ALK: variants seen among roughly 807,000 people sequenced by gnomAD.
ALK encodes the protein ALK receptor tyrosine kinase.
ALK carries 74 observed loss-of-function variants against 163.1 expected under a neutral mutation model. That is an observed-to-expected ratio of 0.45 (90% CI 0.38 to 0.55). The LOEUF is 0.55. Among genes scored for constraint, ALK ranks in the 20% least tolerant of loss-of-function variants. ALK has a pLI of 0.00. For synonymous variants in ALK, 960 were observed against 843.2 expected (o/e 1.14, Z -2.40); for missense variants, 2,063 against 2,105.3 (o/e 0.98, Z 0.39).
chr2:29,911,004 A>G (rs139913631), intron 1 of ALK, among the ~76,000 whole-genome samples: 23 of 152,310 alleles, frequency 1.5e-4, no homozygotes, highest in African/African-American at 5.3e-4. Flanking sequence ...AAAACAAAAA[A>G]TGACTACTGG....
At chr2:29,578,350 TA>T (rs1356010727) in intron 3 of ALK, among the ~76,000 whole-genome samples, 1 of 152,210 alleles carries the variant, frequency 6.6e-6, no homozygotes, top group Non-Finnish European at 1.5e-5. Context: ...GGTATGTCTT[TA>T]TCAGCAGCAT....
intron 3 of ALK, among the ~76,000 whole-genome samples, chr2:29,690,998 G>T (rs1017533566): frequency 1.3e-5 from 2 of 152,154 alleles, no homozygotes; most frequent in African/African-American, 4.8e-5. Context: ...ATTAGGATTG[G>T]AATATAGGAC....
Position 29,275,103 on chromosome 2 carries a change from A to G in ALK, c.2037T>C (p.Pro679=). 1 of 1,614,102 alleles carries G rather than the reference A, an allele frequency of 6.2e-7. No individual in the cohort carries two copies. The highest frequency in any genetic ancestry group is 1.7e-5 in the Admixed American group (1 of 60,026). ...ATTTGTGAGCTGAACCCTTACCTGT[A>G]GGGTCAAAGATGGGGGTCTGTCTTG... is the stretch of plus-strand genomic sequence containing the variant. ...NSPRQTPIFD[P]TVHWLFTTCG... Residue 679 remains proline, a synonymous_variant, in exon 11 of 29, where the codon CCT becomes CCC. Transcript: ENST00000389048.
chr2:29,336,452 C>G (rs1255304636), intron 5 of ALK, among the ~76,000 whole-genome samples: 1 of 152,242 alleles, frequency 6.6e-6, no homozygotes, highest in African/African-American at 2.4e-5. Flanking sequence ...TGGAACATCT[C>G]TCCTGAAGCA....
chr2:29,526,785 C>G (rs751623606), intron 4 of ALK, among the ~76,000 whole-genome samples: 1 of 152,242 alleles, frequency 6.6e-6, no homozygotes, highest in African/African-American at 2.4e-5. Context: ...TTGCACTGGG[C>G]TGACTGAAGT....
At chr2:29,864,254 C>T (rs1256967164) in intron 1 of ALK, among the ~76,000 whole-genome samples, 2 of 152,174 alleles carry the variant, frequency 1.3e-5, no homozygotes, top group Non-Finnish European at 2.9e-5. Flanking sequence ...GCAGTCTATT[C>T]CCTGTCTTGA....
intron 3 of ALK, among the ~76,000 whole-genome samples, chr2:29,683,933 A>G: frequency 6.6e-6 from 1 of 152,208 alleles, no homozygotes; most frequent in East Asian, 1.9e-4. Flanking sequence ...AAGTCAGGAA[A>G]GGGAGCCACA....
At chr2:29,342,412 A>G (rs4666205) in intron 5 of ALK, among the ~76,000 whole-genome samples, 54,545 of 152,158 alleles carry the variant, frequency 0.36, 11,799 homozygotes, top group East Asian at 0.76. Context: ...TACAGACAGC[A>G]GGTAGAATGG....
At chr2:29,226,478 CAAAAAA>C (rs3028223) in intron 18 of ALK, among the ~76,000 whole-genome samples, 1,397 of 84,908 alleles carry the variant, frequency 0.016, 13 homozygotes, top group Non-Finnish European at 0.021. Flanking sequence ...AACTCCGCCT[CAAAAAA>C]AAAAAAAAAA....
At chr2:29,705,781 T>G (rs769355736) in intron 2 of ALK, among the ~76,000 whole-genome samples, 15 of 152,228 alleles carry the variant, frequency 9.9e-5, no homozygotes, top group Non-Finnish European at 2.2e-4. Flanking sequence ...GTATGTTGAG[T>G]GCCCTGCATG....
chr2:29,886,336 G>A (rs1666984135), intron 1 of ALK, among the ~76,000 whole-genome samples: 1 of 152,214 alleles, frequency 6.6e-6, no homozygotes, highest in South Asian at 2.1e-4. Context: ...ATTTTTGACT[G>A]TGTAAAGGGT....
rs544084739 is a variant in ALK at position 29,464,564 on chromosome 2, G to T, written c.1154+67351C>A. On this transcript the variant is annotated intron_variant, in intron 4 of 28. Coordinates refer to ENST00000389048, the MANE Select transcript of ALK (RefSeq NM_004304.5). Reference sequence around the variant, plus strand: ...CAAATCAGGGGAAAAATGAAAGACTGAAACAGGCCCAGATGGAAATTTTTG... The same window carrying T: ...CAAATCAGGGGAAAAATGAAAGACTTAAACAGGCCCAGATGGAAATTTTTG... 1.1e-4 allele frequency among the ~76,000 whole-genome samples: 16 copies of T among 151,680 alleles called. No homozygotes were observed. The South Asian group carries it at 3.4e-3, about 32-fold the overall frequency.
intron 4 of ALK, among the ~76,000 whole-genome samples, chr2:29,420,656 C>T (rs1334518734): frequency 6.6e-6 from 1 of 151,442 alleles, no homozygotes; most frequent in Non-Finnish European, 1.5e-5. Flanking sequence ...AAGAGTGGGG[C>T]CCGCGACTCC....
intron 5 of ALK, among the ~76,000 whole-genome samples, chr2:29,351,898 G>A (rs1292966347): frequency 6.6e-6 from 1 of 152,132 alleles, no homozygotes; most frequent in Non-Finnish European, 1.5e-5. Context: ...AAGATCCCAG[G>A]ACTCTCCTGT....
At chr2:29,270,537 G>C (rs371416607) in intron 11 of ALK, among the ~76,000 whole-genome samples, 1 of 152,202 alleles carries the variant, frequency 6.6e-6, no homozygotes, top group East Asian at 1.9e-4. Flanking sequence ...TTCCTTGAGG[G>C]ATGGTTAAAA....
chr2:29,887,713 T>G (rs1462085306), intron 1 of ALK, among the ~76,000 whole-genome samples: 1 of 152,188 alleles, frequency 6.6e-6, no homozygotes, highest in African/African-American at 2.4e-5. Context: ...ATTTTAAAAG[T>G]CACACTGTGG....
At chr2:29,221,539 GTCT>G (rs1302612339) in intron 22 of ALK, among the ~76,000 whole-genome samples, 2 of 152,150 alleles carry the variant, frequency 1.3e-5, no homozygotes, top group Non-Finnish European at 2.9e-5. Context: ...AGTGATATGG[GTCT>G]TCTTCAATAT....
chr2:29,547,448 T>G (rs530669239), intron 3 of ALK, among the ~76,000 whole-genome samples: 3 of 152,166 alleles, frequency 2.0e-5, no homozygotes, highest in African/African-American at 7.2e-5. Flanking sequence ...ATACAAAAGA[T>G]TAGCCGGGCA....
chr2:29,239,550 A>G, intron 13 of ALK, 130 bp downstream of exon 13: 1 of 1,188,742 alleles, frequency 8.4e-7, no homozygotes, highest in Non-Finnish European at 1.2e-6. Context: ...GCTGCTGTTT[A>G]ATTACTCTTT....
Sources: gnomAD v4.1 joint callset for allele counts (sites outside exome capture counted in the v4.1 genomes callset) on GRCh38, gnomAD v4.1.1 for gene constraint, MANE v1.5 for transcripts, NCBI Gene and HGNC (gene_info 2026-07-23, HGNC 2026-07-21) for gene names.